The following DIS3L2 variants were observed in gnomAD, a reference collection of about 807,000 sequenced individuals.
The protein encoded by DIS3L2 is DIS3 like 3'-5' exoribonuclease 2.
DIS3L2 carries 34 observed loss-of-function variants against 97.5 expected under a neutral mutation model. The observed-to-expected ratio is 0.35, with a 90% CI of 0.27 to 0.46. The LOEUF is 0.46. Ranked by LOEUF, DIS3L2 falls within the 20% of genes least tolerant of loss-of-function variation. The pLI is 1.00. For missense variants in DIS3L2, 1,038 were observed against 1,146.0 expected (o/e 0.91, Z 1.36); for synonymous variants, 435 against 445.2 (o/e 0.98, Z 0.29).
chr2:232,318,953 C>T, intron 14 of DIS3L2, among the ~76,000 whole-genome samples: 1 of 152,234 alleles, frequency 6.6e-6, no homozygotes, highest in East Asian at 1.9e-4. Context: ...AGATACAACA[C>T]AGGGCGGGGG....
In DIS3L2 at chr2:232,224,298, T is replaced by G. The variant is rs565040727; in HGVS notation, c.1204+13893T>G. 2.0e-5 allele frequency among the ~76,000 whole-genome samples: 3 copies of G among 152,330 alleles called. No homozygotes were observed. The South Asian group carries it at 6.2e-4, about 32-fold the overall frequency. On this transcript the variant is annotated intron_variant, in intron 10 of 20. Transcript: ENST00000325385. The stretch of plus-strand genomic sequence containing the variant: ...GTACTAGACTGGTTGGATATCCATA[T>G]GGGGGAAAAATTGGTTTTGACCCCT...
intron 10 of DIS3L2, among the ~76,000 whole-genome samples, chr2:232,213,744 GA>G (rs1692259698): frequency 1.5e-5 from 2 of 134,724 alleles, no homozygotes; most frequent in South Asian, 5.1e-4. Flanking sequence ...ACCATTCTGT[GA>G]AAAGCAGACA....
At chr2:232,222,192 C>T (rs983261310) in intron 10 of DIS3L2, among the ~76,000 whole-genome samples, 2 of 152,160 alleles carry the variant, frequency 1.3e-5, no homozygotes, top group African/African-American at 4.8e-5. Context: ...ATCCACCCAC[C>T]TCGGCTTCCC....
intron 12 of DIS3L2, among the ~76,000 whole-genome samples, chr2:232,251,972 T>C (rs568837384): frequency 1.0e-4 from 15 of 145,804 alleles, no homozygotes; most frequent in African/African-American, 3.5e-4. Context: ...GAGGAAGACA[T>C]GGGACGCAGG....
intron 5 of DIS3L2, among the ~76,000 whole-genome samples, chr2:232,080,274 A>G (rs934642758): frequency 6.6e-6 from 1 of 152,058 alleles, no homozygotes; most frequent in African/African-American, 2.4e-5. Flanking sequence ...CTGGGTGAGG[A>G]GCAGGTTCTA....
chr2:232,287,433 T>A (rs1694476490), intron 13 of DIS3L2, among the ~76,000 whole-genome samples: 1 of 108,548 alleles, frequency 9.2e-6, no homozygotes, highest in Non-Finnish European at 1.7e-5. Flanking sequence ...AGGGCCTCAC[T>A]CTGTTGCCAG....
At chr2:232,186,785 C>T (rs564060414) in intron 9 of DIS3L2, among the ~76,000 whole-genome samples, 2 of 152,318 alleles carry the variant, frequency 1.3e-5, no homozygotes, top group East Asian at 3.9e-4. Context: ...ACATTCAAAA[C>T]CAATTAATGT....
chr2:231,973,432 A>G (rs1692979145), intron 1 of DIS3L2, among the ~76,000 whole-genome samples: 1 of 152,252 alleles, frequency 6.6e-6, no homozygotes, highest in Non-Finnish European at 1.5e-5. Flanking sequence ...ATAGTTTAAT[A>G]TTGGGACAGA....
At chr2:232,244,423 A>G (rs540041472) in intron 11 of DIS3L2, among the ~76,000 whole-genome samples, 1 of 152,336 alleles carries the variant, frequency 6.6e-6, no homozygotes, top group Admixed American at 6.5e-5. Flanking sequence ...GAGGTAGGAA[A>G]TGTAGTCAGT....
At chr2:231,986,214 T>A (rs1693409561) in intron 1 of DIS3L2, among the ~76,000 whole-genome samples, 1 of 152,190 alleles carries the variant, frequency 6.6e-6, no homozygotes, top group Non-Finnish European at 1.5e-5. Flanking sequence ...AATGGCTTCT[T>A]TCTTCCTCAG....
Position 232,195,760 on chromosome 2 carries a change from G to T in DIS3L2, c.1125-14566G>T, listed in dbSNP as rs571963146. Among the ~76,000 whole-genome samples, 14 of 152,176 alleles carry T rather than the reference G, an allele frequency of 9.2e-5. No homozygotes were observed. In the East Asian group the frequency reaches 2.7e-3, roughly 29 times the overall value. On this transcript the variant is annotated intron_variant, in intron 9 of 20. Coordinates refer to ENST00000325385, the MANE Select transcript of DIS3L2 (RefSeq NM_152383.5). ...AACCCCCACTCCCTGCCTTGAGCATGAGCCTTAGGTTTGATAATAATAATG... is the reference window on the plus strand; with the variant it reads ...AACCCCCACTCCCTGCCTTGAGCATTAGCCTTAGGTTTGATAATAATAATG...
intron 9 of DIS3L2, among the ~76,000 whole-genome samples, chr2:232,200,746 A>T (rs1340653582): frequency 7.9e-5 from 12 of 152,040 alleles, no homozygotes; most frequent in Non-Finnish European, 1.5e-4. Context: ...GGCAAAAGTC[A>T]AGTCATCTAG....
intron 13 of DIS3L2, among the ~76,000 whole-genome samples, chr2:232,294,002 C>A (rs1487156504): frequency 6.6e-6 from 1 of 152,192 alleles, no homozygotes; most frequent in African/African-American, 2.4e-5. Flanking sequence ...CTGCCTCCAC[C>A]AAGGCACTGG....
chr2:232,326,866 A>C (rs1469069632), intron 14 of DIS3L2, among the ~76,000 whole-genome samples: 1 of 152,148 alleles, frequency 6.6e-6, no homozygotes, highest in Non-Finnish European at 1.5e-5. Flanking sequence ...GGTCACCAAG[A>C]GTGCACTTGT....
intron 5 of DIS3L2, among the ~76,000 whole-genome samples, chr2:232,053,916 C>G (rs1559578168): frequency 6.6e-6 from 1 of 152,176 alleles, no homozygotes; most frequent in Non-Finnish European, 1.5e-5. Flanking sequence ...CCCCTCGTCC[C>G]TTTCTGGAGG....
chr2:232,116,740 G>A (rs1446563997), intron 6 of DIS3L2, among the ~76,000 whole-genome samples: 1 of 152,094 alleles, frequency 6.6e-6, no homozygotes, highest in Non-Finnish European at 1.5e-5. Context: ...TAGAATGTCC[G>A]CCATTAAGGA....
At chr2:232,288,358 C>G (rs1694501800) in intron 13 of DIS3L2, among the ~76,000 whole-genome samples, 1 of 152,168 alleles carries the variant, frequency 6.6e-6, no homozygotes, top group Non-Finnish European at 1.5e-5. Flanking sequence ...AATCGTAGAG[C>G]GTCTCTTCTA....
At chr2:232,253,881 T>C (rs1047934651) in intron 12 of DIS3L2, among the ~76,000 whole-genome samples, 5 of 152,212 alleles carry the variant, frequency 3.3e-5, no homozygotes, top group African/African-American at 1.2e-4. Context: ...ACTTTAAAAC[T>C]ATTTGAACTA....
intron 3 of DIS3L2, among the ~76,000 whole-genome samples, chr2:232,022,731 C>G (rs1326657344): frequency 6.6e-6 from 1 of 152,226 alleles, no homozygotes; most frequent in Admixed American, 6.5e-5. Flanking sequence ...TGTTGTTAGT[C>G]TCCCTTGTAC....
Sources: gnomAD v4.1 joint callset for allele counts (sites outside exome capture counted in the v4.1 genomes callset) on GRCh38, gnomAD v4.1.1 for gene constraint, MANE v1.5 for transcripts, NCBI Gene and HGNC (gene_info 2026-07-23, HGNC 2026-07-21) for gene names.